Variants in TNRC6C observed in about 807,000 individuals in gnomAD.
The protein encoded by TNRC6C is trinucleotide repeat containing adaptor 6C, also known as trinucleotide repeat-containing gene 6C protein.
A neutral mutation model predicts 153.7 loss-of-function variants in TNRC6C; 20 were observed. The ratio of observed to expected loss-of-function variants is 0.13; its 90% CI spans 0.09 to 0.19. TNRC6C has a LOEUF of 0.19. Among genes scored for constraint, TNRC6C ranks in the 10% least tolerant of loss-of-function variants. The pLI, the probability that TNRC6C is intolerant of heterozygous loss-of-function variation, is 1.00. For missense variants in TNRC6C, 1,987 were observed against 2,172.0 expected, an observed-to-expected ratio of 0.91 and a Z score of 1.69; for synonymous variants, 811 against 841.4, an observed-to-expected ratio of 0.96 and a Z score of 0.63.
chr17:78,067,554 A>C (rs1738191721), intron 4 of TNRC6C, among the ~76,000 whole-genome samples: 1 of 152,192 alleles, frequency 6.6e-6, no homozygotes, highest in South Asian at 2.1e-4. Flanking sequence ...CTGATGTTTG[A>C]AGGAAAAATT....
intron 1 of TNRC6C, among the ~76,000 whole-genome samples, chr17:77,977,119 TTACTA>T (rs1303730096): frequency 9.2e-5 from 14 of 152,202 alleles, no homozygotes; most frequent in African/African-American, 3.1e-4. Context: ...TTTATAATGA[TTACTA>T]TATATACGTT....
At chr17:78,004,040 AC>A (rs1448473302), upstream of TNRC6C, 2 of 1,177,324 alleles carry the variant, frequency 1.7e-6, no homozygotes, top group East Asian at 6.4e-5. Context: ...CCTTTCTAGC[AC>A]CTTCTCAGAG....
At chr17:78,033,828 A>G (rs1046195593) in intron 2 of TNRC6C, among the ~76,000 whole-genome samples, 2 of 152,320 alleles carry the variant, frequency 1.3e-5, no homozygotes, top group African/African-American at 2.4e-5. Context: ...CTCCCAAACA[A>G]AAATCTTCAT....
chr17:77,970,191 A>G (rs958434118), intron 1 of TNRC6C, among the ~76,000 whole-genome samples: 1 of 152,192 alleles, frequency 6.6e-6, no homozygotes, highest in Admixed American at 6.5e-5. Flanking sequence ...AGCGTATTTC[A>G]TTATTTGGCT....
chr17:78,019,195 G>C (rs1484497948), intron 1 of TNRC6C, among the ~76,000 whole-genome samples: 1 of 152,186 alleles, frequency 6.6e-6, no homozygotes, highest in African/African-American at 2.4e-5. Flanking sequence ...GAGAGAATGG[G>C]GTTGCAGCCA....
rs572145233 is a variant in TNRC6C, at chr17:78,051,338, A to G, written c.2276A>G (p.Asn759Ser). ...GTCATCCAGAGCAGTACCACGACCAATACCACCACCACCACCACCACTACC... is the reference window on the plus strand; with the variant it reads ...GTCATCCAGAGCAGTACCACGACCAGTACCACCACCACCACCACCACTACC... The change falls in exon 3 of 20, where the codon AAT (asparagine) becomes AGT (serine). Residue 759 changes from asparagine to serine, a missense_variant. Coordinates refer to ENST00000301624, the Ensembl canonical transcript of TNRC6C. The G allele has an allele frequency of 1.3e-5, 20 of 1,551,406 alleles. No individual in the cohort carries two copies. The highest frequency in any genetic ancestry group is 1.7e-4 in the Middle Eastern group (1 of 6,014).
intron 2 of TNRC6C, among the ~76,000 whole-genome samples, chr17:78,041,365 C>G (rs934665101): frequency 9.8e-5 from 15 of 152,312 alleles, no homozygotes; most frequent in South Asian, 2.1e-4. Flanking sequence ...TGGTTTCTCT[C>G]TGCTGGGCTG....
intron 1 of TNRC6C, among the ~76,000 whole-genome samples, chr17:77,984,759 T>G (rs975653595): frequency 1.3e-5 from 2 of 152,182 alleles, no homozygotes; most frequent in Admixed American, 1.3e-4. Context: ...AGCTGTGTGT[T>G]CTGTGGCAGC....
At chr17:78,070,291 T>C (rs1482651329) in intron 5 of TNRC6C, among the ~76,000 whole-genome samples, 1 of 152,208 alleles carries the variant, frequency 6.6e-6, no homozygotes, top group Non-Finnish European at 1.5e-5. Context: ...AATAAGCTAG[T>C]TCCTTGAGGA....
rs2072987751 is a variant in TNRC6C at position 78,071,165 on chromosome 17, G to A, written c.2859G>A (p.Pro953=). 6.3e-6 allele frequency: 10 copies of A among 1,598,526 alleles called. No homozygotes were observed. The highest frequency in any genetic ancestry group is 8.5e-6 in the Non-Finnish European group (10 of 1,172,340). The change falls in exon 6 of 20, where the codon CCG becomes CCA. Residue 953 remains proline (P), a splice_region_variant and synonymous_variant. Transcript: ENST00000301624. Reference sequence around the variant, plus strand: ...AACAACTCACAGACATGGGCTTCCCGGTAACTGGCGTCGTAGTTTACTGCT... The same window carrying A: ...AACAACTCACAGACATGGGCTTCCCAGTAACTGGCGTCGTAGTTTACTGCT...
chr17:78,067,661 C>G (rs994114995), intron 4 of TNRC6C, 96 bp from the exon 7 acceptor site: 1 of 1,350,844 alleles, frequency 7.4e-7, no homozygotes, highest in Non-Finnish European at 9.9e-7. Flanking sequence ...TACAATGCAT[C>G]ATTTGTCCCA....
upstream of TNRC6C, among the ~76,000 whole-genome samples, chr17:77,957,760 AATTGC>A (rs2070819169): frequency 6.6e-6 from 1 of 152,234 alleles, no homozygotes; most frequent in Non-Finnish European, 1.5e-5. Context: ...GGACTTTTCG[AATTGC>A]ACATTGCGCC....
intron 17 of TNRC6C, among the ~76,000 whole-genome samples, chr17:78,102,170 G>C (rs1000440178): frequency 1.1e-4 from 17 of 152,194 alleles, no homozygotes; most frequent in African/African-American, 4.1e-4. Context: ...GAGCTTCCCT[G>C]GAGATTCTCG....
chr17:77,991,171 C>T (rs913014349), intron 1 of TNRC6C, among the ~76,000 whole-genome samples: 1 of 152,150 alleles, frequency 6.6e-6, no homozygotes, highest in African/African-American at 2.4e-5. Flanking sequence ...CTGATGATAT[C>T]TTGATCCCTT....
chr17:77,997,653 T>C (rs2071348298), intron 1 of TNRC6C, among the ~76,000 whole-genome samples: 1 of 151,584 alleles, frequency 6.6e-6, no homozygotes, highest in African/African-American at 2.4e-5. Context: ...TTTATAACGT[T>C]GTTTTTTTTT....
At chr17:77,973,113 G>A (rs2070952851) in intron 1 of TNRC6C, among the ~76,000 whole-genome samples, 1 of 152,064 alleles carries the variant, frequency 6.6e-6, no homozygotes, top group Non-Finnish European at 1.5e-5. Context: ...CACTATGTTG[G>A]CCAGGCTGGT....
exon 3 of TNRC6C, chr17:78,048,954 G>T: frequency 7.3e-7 from 1 of 1,365,566 alleles, no homozygotes. Context: ...TAATAGATAG[G>T]ACTGACAAGG....
intron 1 of TNRC6C, among the ~76,000 whole-genome samples, chr17:77,971,422 T>G (rs1006047733): frequency 2.6e-5 from 4 of 152,198 alleles, no homozygotes; most frequent in African/African-American, 9.7e-5. Context: ...CCTGTGACAT[T>G]AAATACCACA....
At chr17:77,977,891 CTTTTTT>C (rs528315933) in intron 1 of TNRC6C, among the ~76,000 whole-genome samples, 17 of 114,138 alleles carry the variant, frequency 1.5e-4, no homozygotes, top group Admixed American at 4.6e-4. Context: ...TTTAAAACCT[CTTTTTT>C]TTTTTTTTTT....
Sources: gnomAD v4.1 joint callset for allele counts (sites outside exome capture counted in the v4.1 genomes callset) on GRCh38, gnomAD v4.1.1 for gene constraint, MANE v1.5 for transcripts, NCBI Gene and HGNC (gene_info 2026-07-23, HGNC 2026-07-21) for gene names.